JADE2: variants seen among roughly 807,000 people sequenced by gnomAD.
The protein encoded by JADE2 is jade family PHD finger 2.
Under a neutral mutation model 85.7 loss-of-function variants are expected in JADE2, and 13 were observed. The observed-to-expected ratio is 0.15, with a 90% CI of 0.10 to 0.24. The LOEUF is 0.24. JADE2 is among the 10% of genes least tolerant of loss of function. JADE2 has a pLI of 1.00. For synonymous variants in JADE2, 440 were observed against 456.1 expected, an observed-to-expected ratio of 0.96 and a Z score of 0.45; for missense variants, 846 against 1,115.9, an observed-to-expected ratio of 0.76 and a Z score of 3.45.
chr5:134,525,498 G>T (rs1760739045), upstream of JADE2, among the ~76,000 whole-genome samples: 2 of 151,942 alleles, frequency 1.3e-5, no homozygotes, highest in South Asian at 2.1e-4. Context: ...ACAACTGGGC[G>T]GGGGGTTGGG....
intron 2 of JADE2, among the ~76,000 whole-genome samples, chr5:134,537,140 A>G (rs1349810536): frequency 6.6e-6 from 1 of 152,140 alleles, no homozygotes; most frequent in African/African-American, 2.4e-5. Context: ...TTCTAACTTT[A>G]TTGCAGGCAG....
At chr5:134,556,072 A>G (rs1762895844) in intron 4 of JADE2, among the ~76,000 whole-genome samples, 1 of 152,130 alleles carries the variant, frequency 6.6e-6, no homozygotes, top group African/African-American at 2.4e-5. Context: ...GGGGAAGCCC[A>G]GGAGCCCTCG....
Position 134,529,271 on chromosome 5 carries a change from C to T in JADE2, c.-1+3260C>T, listed in dbSNP as rs72798643. ...CAGGATACCCCTGGCTTGCCCTGTC[C>T]TCCAGATAGGACCCTTACCATGTGG... On this transcript the variant is annotated intron_variant, in intron 1 of 11. Transcript: ENST00000681547. Among the ~76,000 whole-genome samples the T allele has an allele frequency of 4.0e-3, 612 of 152,274 alleles. 1 individual carries two copies. Among genetic ancestry groups the T allele is most frequent in the Non-Finnish European group, 6.0e-3 (408 of 68,032 alleles).
chr5:134,539,843 A>C (rs1264518621), intron 3 of JADE2, among the ~76,000 whole-genome samples: 1 of 152,200 alleles, frequency 6.6e-6, no homozygotes, highest in Non-Finnish European at 1.5e-5. Context: ...AGAGGCTTGC[A>C]TCTGAAAAAG....
intron 1 of JADE2, among the ~76,000 whole-genome samples, chr5:134,531,246 T>A (rs1483438254): frequency 6.6e-6 from 1 of 152,070 alleles, no homozygotes; most frequent in Non-Finnish European, 1.5e-5. Context: ...TTCAAAGGAA[T>A]GAAAGGAGCC....
At chr5:134,525,247 G>A (rs1394281610), upstream of JADE2, among the ~76,000 whole-genome samples, 3 of 151,852 alleles carry the variant, frequency 2.0e-5, no homozygotes, top group African/African-American at 7.2e-5. Context: ...AAGTGTGAGT[G>A]AAAGAGTGGA....
Position 134,566,258 on chromosome 5 carries a change from ATGAGCCCACATC to A in JADE2, c.1122_1133del (p.Ser375_Thr378del). On this transcript the variant is annotated inframe_deletion, in exon 9 of 12. Coordinates refer to ENST00000681547, the MANE Select transcript of JADE2 (RefSeq NM_001388185.1). The surrounding 1 kb of genome is among the most constrained non-coding windows in gnomAD (Gnocchi z 6.7). ...GAGCACAGTGACGGGGGCCCACGTAATGAGCCCACATCTGAGCCCACGGAACCCAGCCAGGCT... is the reference window on the plus strand; with the variant it reads ...GAGCACAGTGACGGGGGCCCACGTAATGAGCCCACGGAACCCAGCCAGGCT... 6.2e-7 allele frequency: 1 copy of A among 1,614,122 alleles called. No individual in the cohort carries two copies. The highest frequency in any genetic ancestry group is 2.2e-5 in the East Asian group (1 of 44,860).
intron 1 of JADE2, among the ~76,000 whole-genome samples, chr5:134,529,105 G>T (rs1761064553): frequency 6.6e-6 from 1 of 152,176 alleles, no homozygotes; most frequent in South Asian, 2.1e-4. Context: ...CCTCTTAACA[G>T]GAAGGCAGTT....
rs1394624238 is a variant in JADE2 at position 134,582,538 on chromosome 5, A to C, written c.*3221A>C. The C allele has an allele frequency of 2.0e-5, 3 of 152,498 alleles. No individual in the cohort carries two copies. In the East Asian group the frequency reaches 5.8e-4, roughly 29 times the overall value. 9.4% of individuals were successfully genotyped at this position (152,498 alleles called of 1,614,324 possible). ...TCCTTGCTAACTGCCAGATGTGGCCAACCTTTGTCCATATGCAAACCACTG... is the reference window on the plus strand; with the variant it reads ...TCCTTGCTAACTGCCAGATGTGGCCCACCTTTGTCCATATGCAAACCACTG... On this transcript the variant is annotated 3_prime_UTR_variant, in exon 12 of 12. Transcript: ENST00000681547.
chr5:134,570,745 C>T (rs1763945355), intron 9 of JADE2, among the ~76,000 whole-genome samples: 2 of 152,214 alleles, frequency 1.3e-5, no homozygotes, highest in African/African-American at 4.8e-5. Context: ...CCCCCTCCCT[C>T]TCTGGCTGCT....
Position 134,525,951 on chromosome 5 carries a change from C to A in JADE2, c.-61C>A, listed in dbSNP as rs1760780496. 5.1e-6 allele frequency: 5 copies of A among 985,904 alleles called. No individual in the cohort carries two copies. The highest frequency in any genetic ancestry group is 6.0e-6 in the Non-Finnish European group (5 of 830,572). 61.1% of individuals were successfully genotyped at this position (985,904 alleles called of 1,614,324 possible). A position where few individuals can be genotyped will look rare whatever the true frequency, so the allele number is the denominator to read the frequency against. On this transcript the variant is annotated 5_prime_UTR_variant, in exon 1 of 12. Transcript: ENST00000681547. ...GGCTTCGGGAGCATCCTTCCCGCGC[C>A]GGTCCCTGCAGCGGCGCGTAGCCGA...
intron 3 of JADE2, among the ~76,000 whole-genome samples, chr5:134,539,831 G>A (rs1761863207): frequency 6.6e-6 from 1 of 152,188 alleles, no homozygotes; most frequent in East Asian, 1.9e-4. Context: ...GGGGGCTTCT[G>A]CAGAGGCTTG....
At position 134,525,822 on chromosome 5, in the gene JADE2, G is replaced by A. The variant is rs1315809142; in HGVS notation, c.-190G>A. 13 of 1,012,140 alleles carry A rather than the reference G, an allele frequency of 1.3e-5. No individual in the cohort carries two copies. Among genetic ancestry groups the A allele is most frequent in the Non-Finnish European group, 1.5e-5 (13 of 844,920 alleles). 62.7% of individuals were successfully genotyped at this position (1,012,140 alleles called of 1,614,324 possible). On this transcript the variant is annotated 5_prime_UTR_variant, in exon 1 of 12. Transcript: ENST00000681547. ...GTCCTGCGGGCCGACCGTCCCCGGCGGGGGGCGTGGGGCCTGGGACGCCGC... is the reference window on the plus strand; with the variant it reads ...GTCCTGCGGGCCGACCGTCCCCGGCAGGGGGCGTGGGGCCTGGGACGCCGC...
chr5:134,545,632 A>G (rs1762256784), intron 3 of JADE2, among the ~76,000 whole-genome samples: 1 of 152,162 alleles, frequency 6.6e-6, no homozygotes, highest in Admixed American at 6.6e-5. Context: ...GCTGTGGTTA[A>G]AGGACAGTGG....
At chr5:134,576,393 T>C (rs766771624) in intron 10 of JADE2, among the ~76,000 whole-genome samples, 1 of 152,042 alleles carries the variant, frequency 6.6e-6, no homozygotes, top group Non-Finnish European at 1.5e-5. Context: ...ACCCCTCAGG[T>C]AGTGTTCCTT....
Position 134,579,098 on chromosome 5 carries a change from G to A in JADE2, c.2286G>A (p.Arg762=). ...LRPPRESKVT[R]RLPGARPDAG... is the part of the protein sequence containing the mutation. ...CACCCCGCGAGAGCAAGGTAACCCG[G>A]AGATTGCCGGGTGCCAGGCCTGATG... is the stretch of plus-strand genomic sequence containing the variant. The change falls in exon 12 of 12, where the codon CGG becomes CGA. Residue 762 remains arginine (R), a synonymous_variant. Coordinates refer to ENST00000681547, the MANE Select transcript of JADE2 (RefSeq NM_001388185.1). This position sits in a 1 kb window ranked among gnomAD's most constrained non-coding sequence, Gnocchi z 4.6. 6.2e-7 allele frequency: 1 copy of A among 1,614,156 alleles called. No homozygotes were observed. Among genetic ancestry groups the A allele is most frequent in the Non-Finnish European group, 8.5e-7 (1 of 1,180,010 alleles).
intron 3 of JADE2, among the ~76,000 whole-genome samples, chr5:134,538,330 G>A (rs11960589): frequency 0.1 from 15,804 of 152,224 alleles, 1,077 homozygotes; most frequent in Admixed American, 0.2. Flanking sequence ...GACACAGCCT[G>A]ATGTTTTAGT....
At chr5:134,537,541 C>T (rs1225809545) in intron 2 of JADE2, among the ~76,000 whole-genome samples, 1 of 152,208 alleles carries the variant, frequency 6.6e-6, no homozygotes, top group Non-Finnish European at 1.5e-5. Context: ...CAGGGCTCTG[C>T]TGATGACCTG....
rs115066442 is a variant in JADE2 at position 134,579,078 on chromosome 5, C to T, written c.2266C>T (p.Arg756Cys). 9 of 1,613,968 alleles carry T rather than the reference C, an allele frequency of 5.6e-6. No individual in the cohort carries two copies. The highest frequency in any genetic ancestry group is 1.6e-4 in the Middle Eastern group (1 of 6,062). ...GCCTTTGGGCCGGCTCCGGCCACCC[C>T]GCGAGAGCAAGGTAACCCGGAGATT... The part of the protein sequence containing the change: ...PKPLGRLRPP[R>C]ESKVTRRLPG... The change falls in exon 12 of 12, where the codon CGC (arginine) becomes TGC (cysteine). Residue 756 changes from arginine to cysteine, a missense_variant. By Grantham distance (180) the Arg-to-Cys change is radical. Around this residue, in one of 9 missense-constraint regions of JADE2, gnomAD observed 300 missense variants for 300.7 expected, o/e 1.00. Transcript: ENST00000681547. This position sits in a 1 kb window ranked among gnomAD's most constrained non-coding sequence, Gnocchi z 4.6.
Sources: allele counts gnomAD v4.1 joint callset (sites outside exome capture counted in the v4.1 genomes callset), GRCh38; gene constraint gnomAD v4.1.1; regional missense constraint gnomAD v4.1.1; non-coding constraint Gnocchi (gnomAD v3.1); transcripts MANE v1.5; gene names NCBI Gene and HGNC (gene_info 2026-07-23, HGNC 2026-07-21).